Variants in MAF observed in about 807,000 individuals in gnomAD.
MAF encodes the protein MAF bZIP transcription factor.
In MAF, 10 loss-of-function variants were observed where a neutral mutation model predicts 22.0. The ratio of observed to expected loss-of-function variants is 0.45; its 90% CI spans 0.28 to 0.77. The LOEUF (loss-of-function observed/expected upper bound fraction) is 0.77, where lower values mean the gene tolerates loss of function less well. Ranked by LOEUF, MAF falls within the 30% of genes least tolerant of loss-of-function variation. The pLI is 0.12. For missense variants in MAF, 544 were observed against 548.4 expected, an observed-to-expected ratio of 0.99 and a Z score of 0.08; for synonymous variants, 337 against 255.8, an observed-to-expected ratio of 1.32 and a Z score of -3.03.
At chr16:79,535,716 G>A in the MAF span, among the ~76,000 whole-genome samples, 15 of 150,880 alleles carry the variant, frequency 9.9e-5, no homozygotes, top group Admixed American at 8.0e-4. Context: ...GGAGTCCTCA[G>A]CCTCCTGAGT....
the MAF span, among the ~76,000 whole-genome samples, chr16:79,495,730 CT>C: frequency 2.0e-5 from 3 of 152,110 alleles, no homozygotes; most frequent in East Asian, 5.8e-4. Flanking sequence ...TTCCCTTGTG[CT>C]GATGAAGAAA....
the MAF span, among the ~76,000 whole-genome samples, chr16:79,514,773 C>G: frequency 4.2e-4 from 64 of 152,204 alleles, no homozygotes; most frequent in African/African-American, 1.3e-3. Flanking sequence ...TTTCTGGATG[C>G]TGGCTGGATT....
chr16:79,300,391 C>T, the MAF span, among the ~76,000 whole-genome samples: 4 of 152,072 alleles, frequency 2.6e-5, no homozygotes, highest in African/African-American at 9.7e-5. Context: ...CCCGTCTCTA[C>T]TAAAAATACA....
chr16:79,403,988 C>T, the MAF span, among the ~76,000 whole-genome samples: 2 of 152,042 alleles, frequency 1.3e-5, no homozygotes, highest in African/African-American at 4.8e-5. Flanking sequence ...ACAAACTCAC[C>T]TCCGTCCATG....
At chr16:79,558,499 C>A in the MAF span, among the ~76,000 whole-genome samples, 1 of 152,160 alleles carries the variant, frequency 6.6e-6, no homozygotes, top group Non-Finnish European at 1.5e-5. Context: ...AATATTGGCA[C>A]TGATTTATAT....
chr16:79,561,265 C>T, the MAF span, among the ~76,000 whole-genome samples: 2 of 151,228 alleles, frequency 1.3e-5, no homozygotes, highest in African/African-American at 4.9e-5. Flanking sequence ...CCTAGATGTC[C>T]TTTATTAAGT....
At chr16:79,394,498 A>G in the MAF span, among the ~76,000 whole-genome samples, 1 of 152,196 alleles carries the variant, frequency 6.6e-6, no homozygotes, top group South Asian at 2.1e-4. Context: ...TTGTTTACGA[A>G]TTGTTTTCAC....
chr16:79,279,939 G>A, the MAF span, among the ~76,000 whole-genome samples: 3 of 152,080 alleles, frequency 2.0e-5, no homozygotes, highest in East Asian at 1.9e-4. Flanking sequence ...TACGGGGCTT[G>A]CCCGGGACAC....
At chr16:79,357,113 G>A in the MAF span, among the ~76,000 whole-genome samples, 2 of 152,158 alleles carry the variant, frequency 1.3e-5, no homozygotes, top group Admixed American at 6.5e-5. Context: ...AAAATTAGCT[G>A]GATGCAGTGG....
chr16:79,573,199 C>T, the MAF span, among the ~76,000 whole-genome samples: 1 of 152,152 alleles, frequency 6.6e-6, no homozygotes, highest in Non-Finnish European at 1.5e-5. Context: ...TTGCAACTTT[C>T]CCCACTTAGT....
chr16:79,591,673 C>G (rs1188784873), downstream of MAF, among the ~76,000 whole-genome samples: 1 of 152,122 alleles, frequency 6.6e-6, no homozygotes, highest in Non-Finnish European at 1.5e-5. Flanking sequence ...TTCTGTGCGT[C>G]GTTGGTTTGC....
At chr16:79,237,866 C>A in the MAF span, among the ~76,000 whole-genome samples, 2 of 152,108 alleles carry the variant, frequency 1.3e-5, no homozygotes, top group Non-Finnish European at 2.9e-5. Context: ...ACAGTCACCC[C>A]CTGTGAGGGA....
At chr16:79,572,525 T>C in the MAF span, among the ~76,000 whole-genome samples, 1 of 152,144 alleles carries the variant, frequency 6.6e-6, no homozygotes, top group Admixed American at 6.5e-5. Context: ...CAAATTCAGG[T>C]TGATCAGGAG....
the MAF span, among the ~76,000 whole-genome samples, chr16:79,360,246 G>C: frequency 1.3e-5 from 2 of 152,110 alleles, no homozygotes; most frequent in Non-Finnish European, 2.9e-5. Flanking sequence ...CTTCCCCTCT[G>C]TCCTGCCTCA....
In MAF at chr16:79,599,273, G is replaced by C. The variant is rs1346396353; in HGVS notation, c.630C>G (p.Ala210=). Residue 210 remains alanine (A), a synonymous_variant, in exon 1 of 2, where the codon GCC becomes GCG. Coordinates refer to ENST00000326043, the MANE Select transcript of MAF (RefSeq NM_005360.5). ...PGAAGSAAAS[A]GGAGGAGGGG... ...CGCCGCCCGCGCCCCCAGCGCCACCGGCCGAGGCGGCCGCGCTGCCCGCGG... is the reference window on the plus strand; with the variant it reads ...CGCCGCCCGCGCCCCCAGCGCCACCCGCCGAGGCGGCCGCGCTGCCCGCGG... 1.0e-6 allele frequency: 1 copy of C among 978,532 alleles called. No individual in the cohort carries two copies. 60.6% of individuals were successfully genotyped at this position (978,532 alleles called of 1,614,324 possible). A position where few individuals can be genotyped will look rare whatever the true frequency, so the allele number is the denominator to read the frequency against.
chr16:79,334,254 T>C, the MAF span, among the ~76,000 whole-genome samples: 1 of 152,294 alleles, frequency 6.6e-6, no homozygotes, highest in African/African-American at 2.4e-5. Flanking sequence ...CAATGGACTA[T>C]TGCACAGCGA....
At chr16:79,263,063 C>T in the MAF span, among the ~76,000 whole-genome samples, 338 of 152,228 alleles carry the variant, frequency 2.2e-3, 2 homozygotes, top group African/African-American at 7.8e-3. Context: ...CACAGTGTGG[C>T]CCAGTGTTAA....
At chr16:79,515,214 C>A in the MAF span, among the ~76,000 whole-genome samples, 3 of 152,208 alleles carry the variant, frequency 2.0e-5, no homozygotes, top group Non-Finnish European at 4.4e-5. Flanking sequence ...ACTTAGACTT[C>A]AACGCTGCTG....
At chr16:79,429,984 C>T in the MAF span, among the ~76,000 whole-genome samples, 44,546 of 151,974 alleles carry the variant, frequency 0.29, 7,538 homozygotes, top group Non-Finnish European at 0.39. Context: ...GACATAGATC[C>T]TACCGACATC....
Sources: gnomAD v4.1 joint callset for allele counts (sites outside exome capture counted in the v4.1 genomes callset) on GRCh38, gnomAD v4.1.1 for gene constraint, MANE v1.5 for transcripts, NCBI Gene and HGNC (gene_info 2026-07-23, HGNC 2026-07-21) for gene names.